CWC22: variants seen among roughly 807,000 people sequenced by gnomAD.
CWC22 encodes the protein pre-mRNA-splicing factor CWC22 homolog.
Under a neutral mutation model 117.2 loss-of-function variants are expected in CWC22, and 53 were observed. The ratio of observed to expected loss-of-function variants is 0.45; its 90% CI spans 0.36 to 0.57. The LOEUF (loss-of-function observed/expected upper bound fraction) is 0.57. CWC22 is among the 20% of genes least tolerant of loss of function. The probability of loss-of-function intolerance (pLI) is 0.00; values close to 1 mark genes in which losing one functional copy is unlikely to be tolerated. For synonymous variants in CWC22, 360 were observed against 355.6 expected (o/e 1.01, Z -0.14); for missense variants, 980 against 1,068.8 (o/e 0.92, Z 1.16).
rs561552876 is a variant in CWC22 at position 179,963,448 on chromosome 2, T to C, written c.1397+1099A>G. Among the ~76,000 whole-genome samples, 573 of 135,928 alleles carry C rather than the reference T, an allele frequency of 4.2e-3. 3 individuals are homozygous for C. The highest frequency in any genetic ancestry group is 0.015 in the African/African-American group (553 of 36,984). The allele number at this position is 135,928 out of a possible 152,430, so 89.2% of individuals were successfully genotyped here. The stretch of plus-strand genomic sequence containing the variant: ...AGCTCCGCCTCCCAGGTTCACGCCA[T>C]TCTCCTGCCTCAGCCTCCCGAGTAG... On this transcript the variant is annotated intron_variant, in intron 13 of 19. Transcript: ENST00000410053.
intron 4 of CWC22, among the ~76,000 whole-genome samples, chr2:179,986,474 G>A (rs1425109597): frequency 6.6e-6 from 1 of 152,022 alleles, no homozygotes; most frequent in Non-Finnish European, 1.5e-5. Context: ...AACTTCTCTA[G>A]ACCTCAGTTT....
In CWC22 at chr2:179,945,079, T is replaced by C; in HGVS notation, c.*50A>G. The C allele has an allele frequency of 7.8e-7, 1 of 1,287,396 alleles. No individual in the cohort carries two copies. Among genetic ancestry groups the C allele is most frequent in the Non-Finnish European group, 1.1e-6 (1 of 940,562 alleles). 79.7% of individuals were successfully genotyped at this position (1,287,396 alleles called of 1,614,324 possible). ...TAAAGTTCGTCAAAGTAAAAAATAA[T>C]TTGTTTCAACTGAATATAAGGCATG... On this transcript the variant is annotated 3_prime_UTR_variant, in exon 20 of 20. Coordinates refer to ENST00000410053, the MANE Select transcript of CWC22 (RefSeq NM_020943.3).
At chr2:179,980,109 T>C (rs376426242) in intron 5 of CWC22, among the ~76,000 whole-genome samples, 34 of 152,342 alleles carry the variant, frequency 2.2e-4, no homozygotes, top group African/African-American at 8.2e-4. Context: ...GTTTCTAGTC[T>C]TTTACAATCA....
chr2:179,998,655 C>T (rs1238169898), intron 1 of CWC22, among the ~76,000 whole-genome samples: 2 of 152,100 alleles, frequency 1.3e-5, no homozygotes, highest in Admixed American at 6.5e-5. Context: ...CTGATCCATT[C>T]GTTCAAAGTT....
chr2:179,964,324 G>A (rs2105521034), intron 13 of CWC22, among the ~76,000 whole-genome samples: 1 of 152,178 alleles, frequency 6.6e-6, no homozygotes, highest in East Asian at 1.9e-4. Context: ...CATTTAATTA[G>A]GTAACACAAT....
intron 14 of CWC22, 88 bp downstream of exon 14, chr2:179,958,934 C>A: frequency 1.4e-6 from 1 of 711,642 alleles, no homozygotes; most frequent in South Asian, 1.7e-5. Flanking sequence ...TGAGGTATTG[C>A]TTCAATCCAC....
chr2:180,005,100 C>G (rs2105570387), intron 1 of CWC22, among the ~76,000 whole-genome samples: 1 of 151,880 alleles, frequency 6.6e-6, no homozygotes, highest in Admixed American at 6.5e-5. Context: ...TGGGTGAAGC[C>G]CAGTAATTTA....
chr2:179,996,564 C>G (rs1446555345), intron 1 of CWC22, among the ~76,000 whole-genome samples: 2 of 151,928 alleles, frequency 1.3e-5, no homozygotes, highest in Non-Finnish European at 2.9e-5. Flanking sequence ...ACTAAATAGA[C>G]CATGTTCTCA....
At chr2:179,973,596 C>A in intron 7 of CWC22, 38 bp downstream of exon 7, 1 of 1,309,232 alleles carries the variant, frequency 7.6e-7, no homozygotes, top group Non-Finnish European at 1.1e-6. Flanking sequence ...TTAGTTTGTT[C>A]CTATGTATCA....
Position 179,945,722 on chromosome 2 carries a change from G to A in CWC22, c.2141-7C>T. 1 of 1,488,822 alleles carries A rather than the reference G, an allele frequency of 6.7e-7. No individual in the cohort carries two copies. The highest frequency in any genetic ancestry group is 1.2e-5 in the South Asian group (1 of 82,158). The allele number at this position is 1,488,822 out of a possible 1,614,324, so 92.2% of individuals were successfully genotyped here. A position where few individuals can be genotyped will look rare whatever the true frequency, so the allele number is the denominator to read the frequency against. ...TTCTTTCTTACATCATTAGCTGCGT[G>A]TGTAAAATAAAAGACAGTTAGCTTT... On this transcript the variant is annotated splice_region_variant and splice_polypyrimidine_tract_variant and intron_variant, in intron 19 of 19. Transcript: ENST00000410053.
chr2:180,001,968 GAATA>G (rs1687858964), intron 1 of CWC22, among the ~76,000 whole-genome samples: 2 of 152,306 alleles, frequency 1.3e-5, no homozygotes, highest in Admixed American at 6.5e-5. Context: ...ATGGATGAAT[GAATA>G]GTCCTTATCT....
chr2:179,966,118 A>C, intron 11 of CWC22, 136 bp from the exon 12 acceptor site: 1 of 613,242 alleles, frequency 1.6e-6, no homozygotes, highest in Non-Finnish European at 2.7e-6. Flanking sequence ...ATAACCACCA[A>C]GCCTCGTGTT....
At position 179,945,361 on chromosome 2, in the gene CWC22, T is replaced by C. The variant is rs1284145908; in HGVS notation, c.2495A>G (p.Glu832Gly). The C allele has an allele frequency of 6.2e-7, 1 of 1,612,518 alleles. No individual in the cohort carries two copies. The highest frequency in any genetic ancestry group is 1.7e-5 in the Admixed American group (1 of 59,792). ...KRGERRNSFS[E>G]NEKHTHRIKD... ...AATTCGGTGTGTATGCTTCTCATTT[T>C]CAGAAAAAGAATTTCTTCTCTCTCC... The change falls in exon 20 of 20, where the codon GAA becomes GGA. Residue 832 changes from glutamate (E) to glycine (G), a missense_variant. By Grantham distance (98) the Glu-to-Gly change is moderately conservative. Coordinates refer to ENST00000410053, the MANE Select transcript of CWC22 (RefSeq NM_020943.3).
At chr2:179,977,885 T>C (rs1193827293) in intron 6 of CWC22, among the ~76,000 whole-genome samples, 1 of 152,190 alleles carries the variant, frequency 6.6e-6, no homozygotes, top group Non-Finnish European at 1.5e-5. Flanking sequence ...TTTGAGGTAG[T>C]ATATTTTAAC....
At chr2:179,950,473 T>C in intron 19 of CWC22, 39 bp downstream of exon 19, 1 of 1,237,748 alleles carries the variant, frequency 8.1e-7, no homozygotes, top group Non-Finnish European at 1.2e-6. Flanking sequence ...ACATATTTAT[T>C]AGAAAAGAGC....
In CWC22 at chr2:179,950,815, T is replaced by A. The variant is rs1242525357; in HGVS notation, c.1919+10A>T. The A allele has an allele frequency of 6.2e-7, 1 of 1,601,568 alleles. No individual in the cohort carries two copies. The highest frequency in any genetic ancestry group is 1.1e-5 in the South Asian group (1 of 90,218). On this transcript the variant is annotated intron_variant, in intron 18 of 19. Coordinates refer to ENST00000410053, the MANE Select transcript of CWC22 (RefSeq NM_020943.3). ...ATAATCTGAACATAAATTCTGAGAA[T>A]AATCCTTACGTTAAACCTCCAAGAC...
intron 15 of CWC22, among the ~76,000 whole-genome samples, chr2:179,954,624 T>C (rs2105510586): frequency 6.6e-6 from 1 of 152,236 alleles, no homozygotes; most frequent in South Asian, 2.1e-4. Flanking sequence ...TTTTAGATCA[T>C]GCTTTAATTG....
chr2:179,987,604 GATT>G, intron 3 of CWC22, among the ~76,000 whole-genome samples: 1 of 152,190 alleles, frequency 6.6e-6, no homozygotes, highest in South Asian at 2.1e-4. Flanking sequence ...AGTTTTTAGA[GATT>G]ATTTAGCAGA....
Position 179,945,146 on chromosome 2 carries a change from G to T in CWC22, c.2710C>A (p.Pro904Thr). The T allele has an allele frequency of 6.3e-7, 1 of 1,593,966 alleles. No individual in the cohort carries two copies. The change falls in exon 20 of 20, where the codon CCA (proline) becomes ACA (threonine). Residue 904 changes from proline (P) to threonine (T), a missense_variant. This residue lies in a region of CWC22 where 306 missense variants were observed against 296.8 expected (regional missense o/e 1.03). Coordinates refer to ENST00000410053, the MANE Select transcript of CWC22 (RefSeq NM_020943.3). ...KNQDRRREKSPAKQK is the reference protein window; with the variant it reads ...KNQDRRREKSTAKQK ...TTGTAGAATTATTTTTGTTTTGCTGGAGACTTTTCTCTTCGCCGGTCCTGA... is the reference window on the plus strand; with the variant it reads ...TTGTAGAATTATTTTTGTTTTGCTGTAGACTTTTCTCTTCGCCGGTCCTGA...
Sources: gnomAD v4.1 joint callset for allele counts (sites outside exome capture counted in the v4.1 genomes callset) on GRCh38, gnomAD v4.1.1 for gene constraint, gnomAD v4.1.1 regional missense constraint, MANE v1.5 for transcripts, NCBI Gene and HGNC (gene_info 2026-07-23, HGNC 2026-07-21) for gene names.